The following SLC4A5 variants were observed in gnomAD, a reference collection of about 807,000 sequenced individuals.
SLC4A5 encodes the protein solute carrier family 4 member 5, also known as electrogenic sodium bicarbonate cotransporter 4.
In SLC4A5, 96 loss-of-function variants were observed where a neutral mutation model predicts 120.4. That is an observed-to-expected ratio of 0.80 (90% CI 0.68 to 0.94). The LOEUF (loss-of-function observed/expected upper bound fraction) is 0.94, where lower values mean the gene tolerates loss of function less well. SLC4A5 is among the 40% of genes least tolerant of loss of function. The pLI is 0.00. For missense variants in SLC4A5, 1,259 were observed against 1,459.5 expected (o/e 0.86, Z 2.24); for synonymous variants, 550 against 571.1 (o/e 0.96, Z 0.53).
At chr2:74,315,940 AAAT>A (rs1398913180) in intron 5 of SLC4A5, among the ~76,000 whole-genome samples, 1 of 152,220 alleles carries the variant, frequency 6.6e-6, no homozygotes, top group African/African-American at 2.4e-5. Flanking sequence ...TTTAAAACTT[AAAT>A]AATAAGAATA....
At chr2:74,263,138 C>T (rs745717265) in intron 10 of SLC4A5, among the ~76,000 whole-genome samples, 1 of 152,232 alleles carries the variant, frequency 6.6e-6, no homozygotes, top group Non-Finnish European at 1.5e-5. Flanking sequence ...CTCCTGGGTT[C>T]AAGCGATCCT....
intron 21 of SLC4A5, 77 bp downstream of exon 21, chr2:74,239,257 CG>C: frequency 7.3e-7 from 1 of 1,374,498 alleles, no homozygotes; most frequent in Non-Finnish European, 1.0e-6. Flanking sequence ...TCCATCCTGT[CG>C]GTGGACCAGA....
intron 7 of SLC4A5, among the ~76,000 whole-genome samples, chr2:74,301,480 A>G (rs1419843618): frequency 6.6e-6 from 1 of 152,204 alleles, no homozygotes; most frequent in Non-Finnish European, 1.5e-5. Context: ...TGGGCTATGC[A>G]GCCAGACCAG....
chr2:74,236,923 A>T (rs1670286730), intron 21 of SLC4A5, among the ~76,000 whole-genome samples: 1 of 151,652 alleles, frequency 6.6e-6, no homozygotes, highest in Admixed American at 6.6e-5. Context: ...TGAGTATAAA[A>T]TGGTGTGGCC....
rs116824283 is a variant in SLC4A5, at chr2:74,256,063, A to T, written c.868-131T>A. 4.5e-3 allele frequency: 4,345 copies of T among 966,480 alleles called. 121 individuals carry two copies. The African/African-American group carries it at 0.063, about 14-fold the overall frequency. The allele number at this position is 966,480 out of a possible 1,614,324, so 59.9% of individuals were successfully genotyped here. On this transcript the variant is annotated intron_variant, in intron 12 of 30. Coordinates refer to ENST00000394019, the Ensembl canonical transcript of SLC4A5. The stretch of plus-strand genomic sequence containing the variant: ...AATGTTGCCAAGAGACTGAAAGAAT[A>T]AATAAGTACTCCTCCGATTCTGCAG...
intron 8 of SLC4A5, among the ~76,000 whole-genome samples, chr2:74,268,299 T>C (rs1671368069): frequency 6.6e-6 from 1 of 152,236 alleles, no homozygotes; most frequent in Non-Finnish European, 1.5e-5. Context: ...GATGTCTTGA[T>C]GGTTGATATT....
rs147662923 is a variant in SLC4A5, at chr2:74,294,926, C to T, written c.272-9024G>A. On this transcript the variant is annotated intron_variant, in intron 7 of 30. Transcript: ENST00000394019. ...CCTCAAGTGATCCGCCTGCCTCAGCCTCTCGAAGTGCTGGGATTACAGGTG... is the reference window on the plus strand; with the variant it reads ...CCTCAAGTGATCCGCCTGCCTCAGCTTCTCGAAGTGCTGGGATTACAGGTG... Among the ~76,000 whole-genome samples the T allele has an allele frequency of 5.1e-3, 780 of 152,282 alleles. 4 individuals carry two copies. Among genetic ancestry groups the T allele is most frequent in the Non-Finnish European group, 9.1e-3 (621 of 68,022 alleles).
chr2:74,243,410 A>G (rs528722493), intron 19 of SLC4A5, among the ~76,000 whole-genome samples: 53 of 152,318 alleles, frequency 3.5e-4, no homozygotes, highest in African/African-American at 1.2e-3. Context: ...CTGGGTGGCT[A>G]AGGAATTCCA....
At chr2:74,224,039 C>T (rs976203865) in intron 28 of SLC4A5, among the ~76,000 whole-genome samples, 3 of 152,212 alleles carry the variant, frequency 2.0e-5, no homozygotes, top group African/African-American at 7.2e-5. Context: ...CAGAAACCAG[C>T]AAAGTCAGGA....
chr2:74,239,485 C>T lies in SLC4A5; in HGVS notation c.2169G>A (p.Lys723=), dbSNP rs1204005781. The T allele has an allele frequency of 5.0e-6, 8 of 1,613,790 alleles. No homozygotes were observed. In the South Asian group the frequency reaches 6.6e-5, roughly 13 times the overall value. The change falls in exon 21 of 31, where the codon AAG becomes AAA. Residue 723 remains lysine, a synonymous_variant. Transcript: ENST00000394019. ...GGCGCCCGCCGTAGCTCAGACACTC[C>T]TTCTTGCTCAGCAGGGACCAGTCCA...
rs573160364 is a variant in SLC4A5, at chr2:74,309,914, G to A, written c.79+5031C>T. 4.1e-4 allele frequency among the ~76,000 whole-genome samples: 62 copies of A among 151,750 alleles called. No homozygotes were observed. In the South Asian group the frequency reaches 0.012, roughly 28 times the overall value. On this transcript the variant is annotated intron_variant, in intron 6 of 30. Coordinates refer to ENST00000394019, the Ensembl canonical transcript of SLC4A5. ...CCTGACCTCGTGATCTGCCTGCCTC[G>A]GCCTCCCAAAGTGCTGGGATTACAG... is the stretch of plus-strand genomic sequence containing the variant.
intron 28 of SLC4A5, among the ~76,000 whole-genome samples, chr2:74,223,708 A>T (rs1391120088): frequency 6.6e-6 from 1 of 152,246 alleles, no homozygotes; most frequent in Admixed American, 6.5e-5. Flanking sequence ...TCAACAAAAG[A>T]AGTATTTGTC....
At chr2:74,295,316 G>T (rs1409078655) in intron 7 of SLC4A5, among the ~76,000 whole-genome samples, 1 of 152,144 alleles carries the variant, frequency 6.6e-6, no homozygotes, top group East Asian at 1.9e-4. Context: ...TAAGAACAGG[G>T]ATATCTAATA....
intron 25 of SLC4A5, among the ~76,000 whole-genome samples, chr2:74,230,242 C>T (rs1695014199): frequency 6.6e-6 from 1 of 152,092 alleles, no homozygotes; most frequent in African/African-American, 2.4e-5. Flanking sequence ...TACGTGGGCA[C>T]TGATCAAGGG....
At chr2:74,249,000 C>T (rs1373951164) in intron 17 of SLC4A5, among the ~76,000 whole-genome samples, 2 of 152,226 alleles carry the variant, frequency 1.3e-5, no homozygotes, top group Non-Finnish European at 2.9e-5. Flanking sequence ...CAGGGTTTCT[C>T]AACCTCGGCA....
intron 27 of SLC4A5, among the ~76,000 whole-genome samples, chr2:74,226,002 C>G (rs976337449): frequency 6.6e-6 from 1 of 152,198 alleles, no homozygotes; most frequent in African/African-American, 2.4e-5. Flanking sequence ...ACTGCCTTTC[C>G]CTTCGCCAGC....
intron 8 of SLC4A5, among the ~76,000 whole-genome samples, chr2:74,266,036 A>C (rs529456698): frequency 3.9e-5 from 6 of 152,350 alleles, no homozygotes; most frequent in Non-Finnish European, 8.8e-5. Flanking sequence ...TGAAATCCCA[A>C]GGGAGGACTT....
intron 17 of SLC4A5, among the ~76,000 whole-genome samples, chr2:74,249,803 C>T (rs958756466): frequency 1.3e-5 from 2 of 152,164 alleles, no homozygotes; most frequent in African/African-American, 4.8e-5. Flanking sequence ...GGGTCTTCTC[C>T]TTGGGGTACT....
chr2:74,303,340 A>G (rs1312732160), intron 7 of SLC4A5, among the ~76,000 whole-genome samples: 1 of 152,180 alleles, frequency 6.6e-6, no homozygotes, highest in African/African-American at 2.4e-5. Flanking sequence ...GTCTCCTGCC[A>G]GGATACTAAG....
Sources: allele counts gnomAD v4.1 joint callset (sites outside exome capture counted in the v4.1 genomes callset), GRCh38; gene constraint gnomAD v4.1.1; transcripts MANE v1.5; gene names NCBI Gene and HGNC (gene_info 2026-07-23, HGNC 2026-07-21).